Variants in MAGI1 observed in about 807,000 individuals in gnomAD.
The protein encoded by MAGI1 is membrane-associated guanylate kinase, WW and PDZ domain-containing protein 1.
MAGI1 carries 58 observed loss-of-function variants against 139.9 expected under a neutral mutation model. That is an observed-to-expected ratio of 0.41 (90% confidence interval 0.34 to 0.52). The LOEUF is 0.52. Ranked by LOEUF, MAGI1 falls within the 20% of genes least tolerant of loss-of-function variation. MAGI1 has a pLI of 0.12. For missense variants in MAGI1, 1,874 were observed against 1,901.6 expected (o/e 0.99, Z 0.27); for synonymous variants, 812 against 737.9 (o/e 1.10, Z -1.63).
chr3:65,605,425 G>A (rs549983977), intron 2 of MAGI1, among the ~76,000 whole-genome samples: 2 of 152,172 alleles, frequency 1.3e-5, no homozygotes, highest in African/African-American at 4.8e-5. Context: ...ATAAAGGGGG[G>A]AGAAATTATA....
intron 2 of MAGI1, among the ~76,000 whole-genome samples, chr3:65,541,537 C>A (rs1460302369): frequency 6.6e-6 from 1 of 152,154 alleles, no homozygotes; most frequent in Non-Finnish European, 1.5e-5. Flanking sequence ...TACTGGCAAA[C>A]CGAATCCAGC....
intron 1 of MAGI1, among the ~76,000 whole-genome samples, chr3:65,816,809 A>G (rs990794160): frequency 1.3e-5 from 2 of 152,198 alleles, no homozygotes; most frequent in African/African-American, 4.8e-5. Context: ...AATGCAGAGG[A>G]AAGAAGAGAA....
intron 1 of MAGI1, among the ~76,000 whole-genome samples, chr3:65,967,011 T>C (rs1376918204): frequency 6.6e-6 from 1 of 152,198 alleles, no homozygotes; most frequent in African/African-American, 2.4e-5. Context: ...ATTTCCATTA[T>C]ACAGATGACA....
chr3:65,805,815 T>A (rs1384716718), intron 1 of MAGI1, among the ~76,000 whole-genome samples: 1 of 152,122 alleles, frequency 6.6e-6, no homozygotes, highest in Non-Finnish European at 1.5e-5. Context: ...GAAGCCATCA[T>A]CCTCAGCAAA....
intron 2 of MAGI1, among the ~76,000 whole-genome samples, chr3:65,582,411 T>G (rs540518987): frequency 1.3e-5 from 2 of 152,310 alleles, no homozygotes; most frequent in African/African-American, 4.8e-5. Context: ...AAATCACAGT[T>G]AGCAACAATA....
chr3:65,868,546 G>T (rs2059809651), intron 1 of MAGI1, among the ~76,000 whole-genome samples: 1 of 152,132 alleles, frequency 6.6e-6, no homozygotes, highest in Admixed American at 6.5e-5. Flanking sequence ...CAGTTATGGG[G>T]TATCACAAAT....
intron 2 of MAGI1, among the ~76,000 whole-genome samples, chr3:65,514,420 G>A (rs1282183512): frequency 1.5e-5 from 2 of 129,230 alleles, no homozygotes; most frequent in Non-Finnish European, 1.6e-5. Flanking sequence ...CTGACAAAGG[G>A]CTAATATCCA....
intron 1 of MAGI1, among the ~76,000 whole-genome samples, chr3:65,866,795 AG>A (rs371358321): frequency 2.5e-4 from 38 of 151,590 alleles, no homozygotes; most frequent in African/African-American, 8.5e-4. Context: ...CTAGGAAAAA[AG>A]AACAAACAAA....
chr3:65,592,435 C>A (rs537090923), intron 2 of MAGI1, among the ~76,000 whole-genome samples: 1 of 152,090 alleles, frequency 6.6e-6, no homozygotes, highest in African/African-American at 2.4e-5. Context: ...ACCATCAGGG[C>A]AAGGGTTAAA....
chr3:65,747,934 A>G (rs2035836535), intron 1 of MAGI1, among the ~76,000 whole-genome samples: 1 of 152,236 alleles, frequency 6.6e-6, no homozygotes, highest in Non-Finnish European at 1.5e-5. Flanking sequence ...CAGAGAAGCC[A>G]GTGAGCCAAA....
chr3:65,492,880 G>C (rs181127471), intron 3 of MAGI1, among the ~76,000 whole-genome samples: 5,783 of 151,840 alleles, frequency 0.038, 147 homozygotes, highest in Middle Eastern at 0.054. Context: ...AGATCGAGAC[G>C]ATCCTGGCTA....
chr3:65,369,380 G>A (rs1278017857), intron 18 of MAGI1, among the ~76,000 whole-genome samples: 1 of 152,154 alleles, frequency 6.6e-6, no homozygotes, highest in East Asian at 1.9e-4. Context: ...GATGACAAGA[G>A]CAAAGAATTA....
At chr3:66,023,465 G>A (rs1342403696) in intron 1 of MAGI1, among the ~76,000 whole-genome samples, 1 of 152,118 alleles carries the variant, frequency 6.6e-6, no homozygotes, top group African/African-American at 2.4e-5. Context: ...CCTGGTGCCC[G>A]ACATGAATTA....
At chr3:65,561,534 C>T (rs1880522) in intron 2 of MAGI1, among the ~76,000 whole-genome samples, 26,943 of 152,088 alleles carry the variant, frequency 0.18, 3,108 homozygotes, top group Middle Eastern at 0.27. Flanking sequence ...TCTATGAACA[C>T]CCTGAAAATA....
intron 1 of MAGI1, among the ~76,000 whole-genome samples, chr3:65,707,029 G>A (rs542193995): frequency 9.2e-5 from 14 of 152,204 alleles, no homozygotes; most frequent in Admixed American, 3.9e-4. Flanking sequence ...CATGGCAGTC[G>A]GATAAACTAA....
chr3:65,890,216 T>A (rs2108568261), intron 1 of MAGI1, among the ~76,000 whole-genome samples: 1 of 152,130 alleles, frequency 6.6e-6, no homozygotes, highest in East Asian at 1.9e-4. Flanking sequence ...TACAAAAAAA[T>A]TAGCCGGGCG....
intron 1 of MAGI1, among the ~76,000 whole-genome samples, chr3:65,888,201 C>T (rs1199878019): frequency 6.6e-6 from 1 of 152,110 alleles, no homozygotes; most frequent in Non-Finnish European, 1.5e-5. Flanking sequence ...TTCAAACATT[C>T]CTAGAACAGA....
At chr3:65,986,004 C>G (rs180743201) in intron 1 of MAGI1, among the ~76,000 whole-genome samples, 2 of 152,340 alleles carry the variant, frequency 1.3e-5, no homozygotes, top group African/African-American at 4.8e-5. Flanking sequence ...TTGATAGATT[C>G]TCTGCCCTTC....
At chr3:65,418,055 G>A (rs1946357913) in intron 12 of MAGI1, among the ~76,000 whole-genome samples, 1 of 152,180 alleles carries the variant, frequency 6.6e-6, no homozygotes, top group South Asian at 2.1e-4. Context: ...GTAGAGACCA[G>A]GGATGCTGTT....
Sources: allele counts gnomAD v4.1 joint callset (sites outside exome capture counted in the v4.1 genomes callset), GRCh38; gene constraint gnomAD v4.1.1; transcripts MANE v1.5; gene names NCBI Gene and HGNC (gene_info 2026-07-23, HGNC 2026-07-21).